The following AGAP1 variants were observed in gnomAD, a reference collection of about 807,000 sequenced individuals.
The protein encoded by AGAP1 is arf-GAP with GTPase, ANK repeat and PH domain-containing protein 1.
In AGAP1, 29 loss-of-function variants were observed where a neutral mutation model predicts 105.3. The ratio of observed to expected loss-of-function variants is 0.28; its 90% CI spans 0.21 to 0.38. The LOEUF (loss-of-function observed/expected upper bound fraction) is 0.38, where lower values mean the gene tolerates loss of function less well. AGAP1 is among the 10% of genes least tolerant of loss of function. The pLI is 1.00. For synonymous variants in AGAP1, 509 were observed against 485.9 expected (o/e 1.05, Z -0.63); for missense variants, 998 against 1,165.1 (o/e 0.86, Z 2.09).
At chr2:235,632,292 A>G (rs973753889) in intron 1 of AGAP1, among the ~76,000 whole-genome samples, 3 of 152,224 alleles carry the variant, frequency 2.0e-5, no homozygotes, top group Non-Finnish European at 2.9e-5. Flanking sequence ...AGCTGTCCCC[A>G]GGAGCTAAAG....
chr2:235,685,754 T>C (rs993286572), intron 1 of AGAP1, among the ~76,000 whole-genome samples: 2 of 151,946 alleles, frequency 1.3e-5, no homozygotes, highest in African/African-American at 4.8e-5. Context: ...TTGAGACGGG[T>C]CTCAGTTAAT....
Position 235,716,527 on chromosome 2 carries a change from G to T in AGAP1, c.223-1030G>T, listed in dbSNP as rs1220140174. Among the ~76,000 whole-genome samples, 1 of 152,142 alleles carries T rather than the reference G, an allele frequency of 6.6e-6. No homozygotes were observed. The highest frequency in any genetic ancestry group is 1.5e-5 in the Non-Finnish European group (1 of 68,024). ...GGGGTGAGTCCCAGCTCAGGGAATG[G>T]CAGGTGGCCTTAATGAGCACCTGTG... On this transcript the variant is annotated intron_variant, in intron 2 of 17. Transcript: ENST00000304032. The surrounding 1 kb of genome is among the most constrained non-coding windows in gnomAD (Gnocchi z 4.0).
intron 8 of AGAP1, among the ~76,000 whole-genome samples, chr2:235,802,980 G>GTGA (rs796092599): frequency 0.14 from 296 of 2,092 alleles, 7 homozygotes; most frequent in African/African-American, 0.2. Flanking sequence ...GGTTGTGGTT[G>GTGA]TGATGGTTGT....
chr2:235,774,505 T>G, intron 6 of AGAP1: 1 of 368,902 alleles, frequency 2.7e-6, no homozygotes, highest in South Asian at 2.1e-5. Context: ...TTCCAAACCT[T>G]TAAGTGTAGT....
intron 1 of AGAP1, chr2:235,524,489 T>A: frequency 3.0e-6 from 1 of 335,612 alleles, no homozygotes. Flanking sequence ...GGGCAGTTGC[T>A]TGTCCTTGCT....
rs1478092429 is a variant in AGAP1, at chr2:235,983,749, C to G, written c.1645+15126C>G. Reference sequence around the variant, plus strand: ...GTCACATACTGTATGGGTTTATGCCCTGGGAGCAATAGGCTCTGCACATAG... The same window carrying G: ...GTCACATACTGTATGGGTTTATGCCGTGGGAGCAATAGGCTCTGCACATAG... On this transcript the variant is annotated intron_variant, in intron 13 of 17. Transcript: ENST00000304032. The surrounding 1 kb of genome is among the most constrained non-coding windows in gnomAD (Gnocchi z 4.5). Among the ~76,000 whole-genome samples, 1 of 152,196 alleles carries G rather than the reference C, an allele frequency of 6.6e-6. No individual in the cohort carries two copies. The highest frequency in any genetic ancestry group is 1.5e-5 in the Non-Finnish European group (1 of 68,038).
In AGAP1 at chr2:236,036,677, C is replaced by A; in HGVS notation, c.1762C>A (p.Leu588Met). 6.2e-7 allele frequency: 1 copy of A among 1,614,224 alleles called. No homozygotes were observed. The highest frequency in any genetic ancestry group is 8.5e-7 in the Non-Finnish European group (1 of 1,180,038). Reference protein sequence around the residue: ...AWVQAIESQILASLQSCESSK... With the variant: ...AWVQAIESQIMASLQSCESSK... ...GGTCCAAGCCATCGAGAGCCAGATC[C>A]TGGCCAGCCTGCAGTCGTGCGAGAG... The change falls in exon 14 of 18, where the codon CTG (leucine) becomes ATG (methionine). Residue 588 changes from leucine (L) to methionine (M), a missense_variant. Around this residue, in one of 3 missense-constraint regions of AGAP1, gnomAD observed 735 missense variants for 833.4 expected, o/e 0.88. Coordinates refer to ENST00000304032, the MANE Select transcript of AGAP1 (RefSeq NM_001037131.3). The surrounding 1 kb of genome is among the most constrained non-coding windows in gnomAD (Gnocchi z 5.7).
intron 12 of AGAP1, 121 bp from the exon 13 acceptor site, chr2:235,968,341 T>C: frequency 7.8e-7 from 1 of 1,287,280 alleles, no homozygotes; most frequent in South Asian, 1.6e-5. Flanking sequence ...TAATGGGATG[T>C]TATTTGCAGG....
intron 16 of AGAP1, among the ~76,000 whole-genome samples, chr2:236,107,583 C>T (rs2059531618): frequency 6.6e-6 from 1 of 152,198 alleles, no homozygotes; most frequent in Non-Finnish European, 1.5e-5. Flanking sequence ...AGCAAAGCCA[C>T]GAGTGCCCCA....
intron 16 of AGAP1, among the ~76,000 whole-genome samples, chr2:236,102,322 CA>C (rs11307708): frequency 0.32 from 47,334 of 149,056 alleles, 8,285 homozygotes; most frequent in South Asian, 0.47. Flanking sequence ...GAGGCAGAGG[CA>C]AGGAGAATGG....
chr2:235,573,006 CTT>C lies in AGAP1; in HGVS notation c.163+78158_163+78159del, dbSNP rs1944591757. On this transcript the variant is annotated intron_variant, in intron 1 of 17. Coordinates refer to ENST00000304032, the MANE Select transcript of AGAP1 (RefSeq NM_001037131.3). The stretch of plus-strand genomic sequence containing the variant: ...TCTTCTTCTTCTTCTTCTTCTTCTT[CTT>C]CTTCTTCTTCTTCTTCTTCTTCTTC... 8.4e-5 allele frequency among the ~76,000 whole-genome samples: 2 copies of C among 23,806 alleles called. 1 individual carries two copies. The highest frequency in any genetic ancestry group is 4.5e-4 in the African/African-American group (2 of 4,396). The allele number at this position is 23,806 out of a possible 152,430, so 15.6% of individuals were successfully genotyped here.
intron 1 of AGAP1, among the ~76,000 whole-genome samples, chr2:235,648,081 C>T (rs1013857880): frequency 3.9e-5 from 6 of 152,152 alleles, no homozygotes; most frequent in African/African-American, 1.4e-4. Flanking sequence ...TGTAGGCTGG[C>T]GTTGAAAAGT....
At chr2:235,941,851 G>GC (rs944749548) in intron 12 of AGAP1, among the ~76,000 whole-genome samples, 5 of 151,026 alleles carry the variant, frequency 3.3e-5, no homozygotes, top group Admixed American at 1.3e-4. Flanking sequence ...TTTGTTGTTG[G>GC]GGGGGTAAGA....
chr2:235,621,232 G>A lies in AGAP1; in HGVS notation c.164-87947G>A, dbSNP rs552806873. Reference sequence around the variant, plus strand: ...AGATAGGGATTCACCGTGTTGGCCAGGGTGGTCTTGAACTCCTGACCTCTG... The same window carrying A: ...AGATAGGGATTCACCGTGTTGGCCAAGGTGGTCTTGAACTCCTGACCTCTG... On this transcript the variant is annotated intron_variant, in intron 1 of 17. Coordinates refer to ENST00000304032, the MANE Select transcript of AGAP1 (RefSeq NM_001037131.3). This position sits in a 1 kb window ranked among gnomAD's most constrained non-coding sequence, Gnocchi z 4.1. Among the ~76,000 whole-genome samples, 1 of 152,236 alleles carries A rather than the reference G, an allele frequency of 6.6e-6. No individual in the cohort carries two copies. The highest frequency in any genetic ancestry group is 6.5e-5 in the Admixed American group (1 of 15,302).
chr2:235,768,978 T>C (rs754588868), intron 6 of AGAP1, among the ~76,000 whole-genome samples: 1 of 152,214 alleles, frequency 6.6e-6, no homozygotes, highest in Non-Finnish European at 1.5e-5. Flanking sequence ...ATGACAGACC[T>C]TAGCAAATAT....
intron 6 of AGAP1, among the ~76,000 whole-genome samples, chr2:235,776,544 C>T (rs188455693): frequency 4.6e-5 from 7 of 152,258 alleles, no homozygotes; most frequent in African/African-American, 1.2e-4. Flanking sequence ...CCCCTCTTGT[C>T]GAGGGTCTCC....
intron 16 of AGAP1, among the ~76,000 whole-genome samples, chr2:236,072,923 G>A (rs1010134650): frequency 3.3e-5 from 5 of 152,084 alleles, no homozygotes; most frequent in Non-Finnish European, 7.3e-5. Context: ...TTTTAATAAT[G>A]TAGTTAACCC....
At chr2:235,512,033 G>GTA (rs1942158224) in intron 1 of AGAP1, among the ~76,000 whole-genome samples, 1 of 150,702 alleles carries the variant, frequency 6.6e-6, no homozygotes, top group Non-Finnish European at 1.5e-5. Context: ...AGGTGTGAAT[G>GTA]TGTGTGAATG....
chr2:235,694,629 T>C (rs541371682), intron 1 of AGAP1, among the ~76,000 whole-genome samples: 24 of 150,104 alleles, frequency 1.6e-4, no homozygotes, highest in Admixed American at 1.3e-3. Context: ...GCCTCTGCAA[T>C]AGAACGAGAC....
Sources: allele counts gnomAD v4.1 joint callset (sites outside exome capture counted in the v4.1 genomes callset), GRCh38; gene constraint gnomAD v4.1.1; regional missense constraint gnomAD v4.1.1; non-coding constraint Gnocchi (gnomAD v3.1); transcripts MANE v1.5; gene names NCBI Gene and HGNC (gene_info 2026-07-23, HGNC 2026-07-21).